CCDC169: variants seen among roughly 807,000 people sequenced by gnomAD.
CCDC169 encodes the protein coiled-coil domain-containing protein 169.
CCDC169 carries 30 observed loss-of-function variants against 36.0 expected under a neutral mutation model. The observed-to-expected ratio is 0.83, with a 90% CI of 0.62 to 1.13. CCDC169 has a LOEUF of 1.13. Ranked by LOEUF, CCDC169 falls within the 50% of genes most tolerant of loss-of-function variation. The probability of loss-of-function intolerance (pLI) is 0.00; values close to 1 mark genes in which losing one functional copy is unlikely to be tolerated. For missense variants in CCDC169, 245 were observed against 245.9 expected (o/e 1.00, Z 0.03); for synonymous variants, 85 against 81.5 (o/e 1.04, Z -0.23).
chr13:36,240,389 A>G (rs1871651916), intron 7 of CCDC169, among the ~76,000 whole-genome samples: 1 of 152,208 alleles, frequency 6.6e-6, no homozygotes, highest in East Asian at 1.9e-4. Flanking sequence ...ATTATAGGTA[A>G]GCGTTTTTCT....
At chr13:36,293,638 G>A (rs1027022741) in intron 2 of CCDC169, among the ~76,000 whole-genome samples, 13 of 152,118 alleles carry the variant, frequency 8.5e-5, no homozygotes, top group Admixed American at 8.5e-4. Context: ...CCACCATGCT[G>A]TGAGAAGAAA....
chr13:36,239,837 T>G (rs1176278706), intron 7 of CCDC169, among the ~76,000 whole-genome samples: 3 of 149,090 alleles, frequency 2.0e-5, no homozygotes, highest in Admixed American at 1.4e-4. Context: ...ACTTTCCAGT[T>G]TCAGTTTCCT....
chr13:36,297,579 C>G (rs969555790), intron 1 of CCDC169, 58 bp downstream of exon 1: 5 of 1,499,944 alleles, frequency 3.3e-6, no homozygotes, highest in Non-Finnish European at 4.5e-6. Flanking sequence ...TGAGACTCTG[C>G]AGGTGAAGGC....
intron 4 of CCDC169, among the ~76,000 whole-genome samples, chr13:36,263,331 G>C (rs2138523577): frequency 6.6e-6 from 1 of 152,230 alleles, no homozygotes; most frequent in Admixed American, 6.5e-5. Context: ...AAATCTTCAA[G>C]TCAAATTCTC....
intron 6 of CCDC169, among the ~76,000 whole-genome samples, chr13:36,250,379 A>G: frequency 6.6e-6 from 1 of 152,160 alleles, no homozygotes; most frequent in Non-Finnish European, 1.5e-5. Flanking sequence ...CTTTGCTGTG[A>G]TCCTCTGGGT....
intron 6 of CCDC169, among the ~76,000 whole-genome samples, chr13:36,249,501 C>T (rs966186859): frequency 6.6e-6 from 1 of 151,942 alleles, no homozygotes; most frequent in African/African-American, 2.4e-5. Flanking sequence ...AGCATGATGG[C>T]GGGGTCACAA....
intron 4 of CCDC169, among the ~76,000 whole-genome samples, chr13:36,262,437 C>T (rs9546974): frequency 0.41 from 61,609 of 151,960 alleles, 13,261 homozygotes; most frequent in Non-Finnish European, 0.48. Flanking sequence ...TGGCCCTGTC[C>T]TGGTAGTCTT....
intron 4 of CCDC169, among the ~76,000 whole-genome samples, chr13:36,260,245 ATATG>A (rs764217603): frequency 1.3e-5 from 2 of 152,188 alleles, no homozygotes; most frequent in Non-Finnish European, 2.9e-5. Flanking sequence ...AACAATTATT[ATATG>A]TGTGTTCATT....
Position 36,254,116 on chromosome 13 carries a change from G to C in CCDC169, c.343C>G (p.Leu115Val), listed in dbSNP as rs762091889. The C allele has an allele frequency of 1.3e-5, 20 of 1,544,504 alleles. No individual in the cohort carries two copies. The South Asian group carries it at 2.4e-4, about 19-fold the overall frequency. Residue 115 changes from leucine (L) to valine (V), a missense_variant, in exon 5 of 8, where the codon CTA becomes GTA. Coordinates refer to ENST00000239859, the MANE Select transcript of CCDC169 (RefSeq NM_001144981.3). ...TCAAGAGTCTTCTTTTCTTCTTCTAGCTGTTTAAGTAATGTGTTTAAGGAT... is the reference window on the plus strand; with the variant it reads ...TCAAGAGTCTTCTTTTCTTCTTCTACCTGTTTAAGTAATGTGTTTAAGGAT... Reference protein sequence around the residue: ...VESLNTLLKQLEEEKKTLESQ... With the variant: ...VESLNTLLKQVEEEKKTLESQ...
downstream of CCDC169, chr13:36,224,671 A>G (rs8000210): frequency 0.41 from 61,593 of 151,966 alleles, 13,261 homozygotes; most frequent in Non-Finnish European, 0.48. Context: ...AACATTCCAT[A>G]TTCATGGGGT....
chr13:36,258,827 C>T (rs938506989), intron 4 of CCDC169, among the ~76,000 whole-genome samples: 14 of 152,180 alleles, frequency 9.2e-5, no homozygotes, highest in African/African-American at 2.4e-4. Context: ...CTTTACACTA[C>T]GGATTTGCCT....
At chr13:36,255,440 G>C (rs911076356) in intron 4 of CCDC169, among the ~76,000 whole-genome samples, 1 of 152,144 alleles carries the variant, frequency 6.6e-6, no homozygotes, top group African/African-American at 2.4e-5. Flanking sequence ...GAGGCGGGTA[G>C]ATCACTTGAG....
intron 7 of CCDC169, among the ~76,000 whole-genome samples, chr13:36,238,637 A>G (rs1407058072): frequency 6.6e-6 from 1 of 152,180 alleles, no homozygotes; most frequent in East Asian, 1.9e-4. Flanking sequence ...TTATAGTACT[A>G]AATGATTTTC....
intron 4 of CCDC169, among the ~76,000 whole-genome samples, chr13:36,256,290 G>C (rs184767464): frequency 1.3e-5 from 2 of 152,104 alleles, no homozygotes; most frequent in Non-Finnish European, 2.9e-5. Flanking sequence ...AGAAATACCC[G>C]ACACTAGGTA....
intron 4 of CCDC169, among the ~76,000 whole-genome samples, chr13:36,257,658 A>C (rs1046648551): frequency 2.0e-5 from 3 of 151,938 alleles, no homozygotes; most frequent in African/African-American, 7.2e-5. Context: ...AGCCAAGATC[A>C]CACCACTGTA....
intron 4 of CCDC169, among the ~76,000 whole-genome samples, chr13:36,282,093 T>C (rs754788540): frequency 1.3e-5 from 2 of 150,966 alleles, no homozygotes; most frequent in Non-Finnish European, 3.0e-5. Flanking sequence ...TATTCAAAAT[T>C]AGTATTCAAA....
intron 4 of CCDC169, among the ~76,000 whole-genome samples, chr13:36,262,554 C>T (rs1039841838): frequency 6.6e-6 from 1 of 152,184 alleles, no homozygotes; most frequent in African/African-American, 2.4e-5. Flanking sequence ...TTCAAATATG[C>T]TTTTAATTGT....
intron 4 of CCDC169, among the ~76,000 whole-genome samples, chr13:36,279,023 A>G (rs1877185457): frequency 6.6e-6 from 1 of 152,080 alleles, no homozygotes; most frequent in Admixed American, 6.5e-5. Context: ...CCAATATCTA[A>G]GTATTCATGA....
chr13:36,277,209 AG>A (rs879285576), intron 4 of CCDC169, among the ~76,000 whole-genome samples: 1 of 152,188 alleles, frequency 6.6e-6, no homozygotes, highest in Non-Finnish European at 1.5e-5. Flanking sequence ...AAACTAATGC[AG>A]GAACAGAAAA....
Sources: gnomAD v4.1 joint callset for allele counts (sites outside exome capture counted in the v4.1 genomes callset) on GRCh38, gnomAD v4.1.1 for gene constraint, MANE v1.5 for transcripts, NCBI Gene and HGNC (gene_info 2026-07-23, HGNC 2026-07-21) for gene names.